IMMP1L: variants seen among roughly 807,000 people sequenced by gnomAD.
IMMP1L encodes mitochondrial inner membrane protease subunit 1.
In IMMP1L, 24 loss-of-function variants were observed where a neutral mutation model predicts 21.8. The observed-to-expected ratio is 1.10, with a 90% confidence interval of 0.80 to 1.55. The LOEUF is 1.55. Ranked by LOEUF, IMMP1L falls within the 40% of genes most tolerant of loss-of-function variation. The probability of loss-of-function intolerance (pLI) is 0.00; values close to 1 mark genes in which losing one functional copy is unlikely to be tolerated. For synonymous variants in IMMP1L, 46 were observed against 62.8 expected (o/e 0.73, Z 1.26); for missense variants, 195 against 200.7 (o/e 0.97, Z 0.17).
chr11:31,441,569 G>A (rs1953331489), intron 4 of IMMP1L, among the ~76,000 whole-genome samples: 1 of 151,982 alleles, frequency 6.6e-6, no homozygotes, highest in Non-Finnish European at 1.5e-5. Context: ...TCCTGATATG[G>A]AATGAGGCAA....
intron 1 of IMMP1L, among the ~76,000 whole-genome samples, chr11:31,468,524 T>C (rs963918813): frequency 6.6e-5 from 10 of 152,146 alleles, no homozygotes; most frequent in Admixed American, 3.9e-4. Flanking sequence ...TCAGCTTTTT[T>C]TGTAGAATAA....
At chr11:31,440,831 T>G (rs139633295) in intron 4 of IMMP1L, among the ~76,000 whole-genome samples, 35 of 152,300 alleles carry the variant, frequency 2.3e-4, no homozygotes, top group Non-Finnish European at 4.6e-4. Flanking sequence ...TTTTTACCCT[T>G]TCCCTATCAA....
intron 1 of IMMP1L, among the ~76,000 whole-genome samples, chr11:31,491,112 G>A (rs1233088387): frequency 6.6e-6 from 1 of 152,148 alleles, no homozygotes; most frequent in Non-Finnish European, 1.5e-5. Flanking sequence ...CCAAGTTTTT[G>A]TTCATTTGTT....
chr11:31,434,888 C>T (rs1321155637), intron 4 of IMMP1L, among the ~76,000 whole-genome samples: 2 of 152,146 alleles, frequency 1.3e-5, no homozygotes, highest in African/African-American at 2.4e-5. Context: ...TCCTTGCTAT[C>T]TAATAAAATA....
intron 1 of IMMP1L, among the ~76,000 whole-genome samples, chr11:31,503,491 A>T (rs1018913321): frequency 3.9e-5 from 6 of 152,184 alleles, no homozygotes; most frequent in African/African-American, 1.4e-4. Context: ...ATTACGTGAA[A>T]AATCCCTAGC....
chr11:31,489,087 C>T (rs761331633), intron 1 of IMMP1L, among the ~76,000 whole-genome samples: 2 of 151,784 alleles, frequency 1.3e-5, no homozygotes, highest in Admixed American at 6.6e-5. Context: ...TTAGTAGAGA[C>T]GGGGTTTCAC....
intron 1 of IMMP1L, among the ~76,000 whole-genome samples, chr11:31,465,336 A>T (rs1954297834): frequency 6.6e-6 from 1 of 152,172 alleles, no homozygotes; most frequent in African/African-American, 2.4e-5. Flanking sequence ...GCCCATACTC[A>T]TGGATTGGAA....
chr11:31,502,529 C>T (rs751303739), intron 1 of IMMP1L, among the ~76,000 whole-genome samples: 7 of 152,150 alleles, frequency 4.6e-5, no homozygotes, highest in Non-Finnish European at 8.8e-5. Context: ...TGGGACCCTT[C>T]GGGCAAAATC....
intron 1 of IMMP1L, among the ~76,000 whole-genome samples, chr11:31,488,891 ATATT>A (rs1483822256): frequency 5.9e-5 from 9 of 151,436 alleles, no homozygotes; most frequent in South Asian, 2.1e-4. Context: ...TTTTTTATAT[ATATT>A]TATTTATTTA....
rs142507350 is a variant in IMMP1L, at chr11:31,500,258, T to C, written c.-30+9261A>G. ...TATTATTCCACTGGTCCTTCACTTATCAACATGAATAAAGAGCCAACATTT... is the reference window on the plus strand; with the variant it reads ...TATTATTCCACTGGTCCTTCACTTACCAACATGAATAAAGAGCCAACATTT... On this transcript the variant is annotated intron_variant, in intron 1 of 5. Coordinates refer to ENST00000532287, the MANE Select transcript of IMMP1L (RefSeq NM_001304274.2). Among the ~76,000 whole-genome samples the C allele has an allele frequency of 1.4e-3, 220 of 152,040 alleles. 2 individuals are homozygous for C. The highest frequency in any genetic ancestry group is 2.7e-3 in the Non-Finnish European group (185 of 67,994).
At chr11:31,492,510 G>C (rs1399143115) in intron 1 of IMMP1L, among the ~76,000 whole-genome samples, 1 of 152,132 alleles carries the variant, frequency 6.6e-6, no homozygotes, top group African/African-American at 2.4e-5. Context: ...TGCATTCACA[G>C]CTTAACTGTT....
chr11:31,509,551 C>T lies in IMMP1L; in HGVS notation c.-62G>A. The T allele has an allele frequency of 3.5e-6, 2 of 573,680 alleles. No individual in the cohort carries two copies. The highest frequency in any genetic ancestry group is 2.1e-5 in the South Asian group (1 of 47,762). The allele number at this position is 573,680 out of a possible 1,614,324, so 35.5% of individuals were successfully genotyped here. A position where few individuals can be genotyped will look rare whatever the true frequency, so the allele number is the denominator to read the frequency against. The stretch of plus-strand genomic sequence containing the variant: ...CCCAAAGAACCCTGGAGACCCTCAA[C>T]CAGGACACAGGTGGGCCTTTCTCAC... On this transcript the variant is annotated 5_prime_UTR_variant, in exon 1 of 6. Coordinates refer to ENST00000532287, the MANE Select transcript of IMMP1L (RefSeq NM_001304274.2).
chr11:31,505,148 G>A (rs542058463), intron 1 of IMMP1L, among the ~76,000 whole-genome samples: 1 of 152,260 alleles, frequency 6.6e-6, no homozygotes, highest in South Asian at 2.1e-4. Flanking sequence ...CTGAAGAGGT[G>A]TCCACTTGTA....
intron 4 of IMMP1L, among the ~76,000 whole-genome samples, chr11:31,441,000 C>T (rs1953307645): frequency 1.3e-5 from 2 of 151,860 alleles, no homozygotes; most frequent in Admixed American, 6.6e-5. Context: ...AGTAAACAGC[C>T]AGTAAAAATA....
At chr11:31,500,611 A>ACGC (rs369555202) in intron 1 of IMMP1L, among the ~76,000 whole-genome samples, 2 of 141,142 alleles carry the variant, frequency 1.4e-5, no homozygotes, top group African/African-American at 3.0e-5. Context: ...ACACACACAC[A>ACGC]AACACACACA....
intron 1 of IMMP1L, among the ~76,000 whole-genome samples, chr11:31,485,785 T>G (rs1384135251): frequency 6.6e-6 from 1 of 151,860 alleles, no homozygotes; most frequent in East Asian, 1.9e-4. Context: ...CTAGGATAAT[T>G]TAGAAGAAAA....
intron 4 of IMMP1L, among the ~76,000 whole-genome samples, chr11:31,439,798 A>T (rs1953257976): frequency 6.6e-6 from 1 of 152,158 alleles, no homozygotes; most frequent in Non-Finnish European, 1.5e-5. Flanking sequence ...TTTTAGTCCT[A>T]CCACTAAGAT....
At chr11:31,496,766 G>C (rs1177563306) in intron 1 of IMMP1L, among the ~76,000 whole-genome samples, 1 of 147,856 alleles carries the variant, frequency 6.8e-6, no homozygotes, top group Non-Finnish European at 1.5e-5. Flanking sequence ...TATGTAATCT[G>C]ATATAGGATA....
chr11:31,463,294 G>C lies in IMMP1L; in HGVS notation c.-18C>G, dbSNP rs185838481. On this transcript the variant is annotated 5_prime_UTR_variant, in exon 2 of 6. Coordinates refer to ENST00000532287, the MANE Select transcript of IMMP1L (RefSeq NM_001304274.2). ...CGAAGCATAGTTCTATGTAGACTCTGCCACCATTGGCCTGATGGTAAATTT... is the reference window on the plus strand; with the variant it reads ...CGAAGCATAGTTCTATGTAGACTCTCCCACCATTGGCCTGATGGTAAATTT... 4.8e-5 allele frequency: 76 copies of C among 1,575,120 alleles called. No homozygotes were observed. In the African/African-American group the frequency reaches 9.9e-4, roughly 21 times the overall value.
Sources: gnomAD v4.1 joint callset for allele counts (sites outside exome capture counted in the v4.1 genomes callset) on GRCh38, gnomAD v4.1.1 for gene constraint, MANE v1.5 for transcripts, NCBI Gene and HGNC (gene_info 2026-07-23, HGNC 2026-07-21) for gene names.